Variants in SLC25A25 observed in about 807,000 individuals in gnomAD.
The protein encoded by SLC25A25 is solute carrier family 25 member 25.
In SLC25A25, 32 loss-of-function variants were observed where a neutral mutation model predicts 57.7. That is an observed-to-expected ratio of 0.55 (90% CI 0.42 to 0.74). SLC25A25 has a LOEUF of 0.74. SLC25A25 is among the 30% of genes least tolerant of loss of function. The pLI, the probability that SLC25A25 is intolerant of heterozygous loss-of-function variation, is 0.00. For missense variants in SLC25A25, 556 were observed against 701.3 expected (o/e 0.79, Z 2.34); for synonymous variants, 306 against 291.2 (o/e 1.05, Z -0.52).
intron 1 of SLC25A25, among the ~76,000 whole-genome samples, chr9:128,078,283 T>G (rs1194646362): frequency 2.0e-5 from 3 of 152,070 alleles, no homozygotes; most frequent in African/African-American, 4.8e-5. Flanking sequence ...GAAAATAAGG[T>G]GCCCAGAATT....
chr9:128,104,023 G>T (rs562096109), intron 6 of SLC25A25, among the ~76,000 whole-genome samples, 184 bp downstream of exon 6: 45 of 152,302 alleles, frequency 3.0e-4, no homozygotes, highest in African/African-American at 9.9e-4. Flanking sequence ...GTGACATTTT[G>T]TGCAGAGCGG....
Position 128,101,037 on chromosome 9 carries a change from A to G in SLC25A25, c.262-59A>G, listed in dbSNP as rs1833770394. ...CATTGCCTGGGGATGGGGCCCCACAAGGGACAAGGAAAGGCTGGTCCAGGA... is the reference window on the plus strand; with the variant it reads ...CATTGCCTGGGGATGGGGCCCCACAGGGGACAAGGAAAGGCTGGTCCAGGA... On this transcript the variant is annotated intron_variant, in intron 1 of 10. Transcript: ENST00000373069. This position sits in a 1 kb window ranked among gnomAD's most constrained non-coding sequence, Gnocchi z 4.9. 6.2e-7 allele frequency: 1 copy of G among 1,607,536 alleles called. No homozygotes were observed. The highest frequency in any genetic ancestry group is 8.5e-7 in the Non-Finnish European group (1 of 1,176,988).
rs1834134393 is a variant in SLC25A25, at chr9:128,108,323, GA to G, written c.*883del. 1.3e-5 allele frequency: 5 copies of G among 398,736 alleles called. No individual in the cohort carries two copies. In the South Asian group the frequency reaches 6.7e-4, roughly 53 times the overall value. The allele number at this position is 398,736 out of a possible 1,614,324, so 24.7% of individuals were successfully genotyped here. ...GGAGGCCTTAATTATGGACTGTTGG[GA>G]AAAGGGTTTTGTCCAGAAGGACAAG... On this transcript the variant is annotated 3_prime_UTR_variant, in exon 11 of 11. Coordinates refer to ENST00000373069, the MANE Select transcript of SLC25A25 (RefSeq NM_001330988.2).
chr9:128,104,831 AATTATTATTATTATTATTATT>A (rs57220788), intron 6 of SLC25A25, among the ~76,000 whole-genome samples: 3 of 144,578 alleles, frequency 2.1e-5, no homozygotes, highest in Non-Finnish European at 4.5e-5. Context: ...GATTTTTAAA[AATTATTATTATTATTATTATT>A]ATTATTATTA....
chr9:128,098,418 T>G, intron 1 of SLC25A25: 1 of 1,380,034 alleles, frequency 7.2e-7, no homozygotes, highest in South Asian at 1.8e-5. Flanking sequence ...AGGGCTTTTT[T>G]CTTTTTTCAA....
chr9:128,091,548 T>C (rs1282074084), intron 1 of SLC25A25: 13 of 207,126 alleles, frequency 6.3e-5, no homozygotes, highest in Non-Finnish European at 9.5e-5. Context: ...TTCCTTTTCT[T>C]TTTTTTTTTT....
intron 1 of SLC25A25, chr9:128,098,581 C>T: frequency 6.2e-7 from 1 of 1,613,956 alleles, no homozygotes; most frequent in Non-Finnish European, 8.5e-7. Context: ...TCTGTCTGTG[C>T]CTGTATGTGC....
chr9:128,069,157 C>T (rs765167780), intron 1 of SLC25A25, among the ~76,000 whole-genome samples: 1 of 152,198 alleles, frequency 6.6e-6, no homozygotes, highest in African/African-American at 2.4e-5. Flanking sequence ...TCGTGATCCC[C>T]GCGGGGTTGG....
chr9:128,092,124 G>A, intron 1 of SLC25A25: 13 of 1,596,378 alleles, frequency 8.1e-6, no homozygotes, highest in Non-Finnish European at 1.0e-5. Flanking sequence ...CCTAGTTTAG[G>A]GCCTGGTCTG....
chr9:128,075,335 G>C (rs1288530542), intron 1 of SLC25A25, among the ~76,000 whole-genome samples: 3 of 151,792 alleles, frequency 2.0e-5, no homozygotes, highest in Non-Finnish European at 2.9e-5. Flanking sequence ...GAATGAGAGA[G>C]CACGAGCCTG....
rs748606906 is a variant in SLC25A25, at chr9:128,102,057, C to T, written c.477-23C>T. ...TGCGTGTTGTTTCTGCTCTCTCCTC[C>T]GCATCCTTTGTCTGTCTGTCAGAAT... On this transcript the variant is annotated intron_variant, in intron 3 of 10. Coordinates refer to ENST00000373069, the MANE Select transcript of SLC25A25 (RefSeq NM_001330988.2). This position sits in a 1 kb window ranked among gnomAD's most constrained non-coding sequence, Gnocchi z 4.1. 83 of 1,550,452 alleles carry T rather than the reference C, an allele frequency of 5.4e-5. No homozygotes were observed. Among genetic ancestry groups the T allele is most frequent in the South Asian group, 1.3e-4 (11 of 84,064 alleles).
intron 1 of SLC25A25, among the ~76,000 whole-genome samples, chr9:128,070,722 C>T (rs372275551): frequency 2.9e-4 from 44 of 151,102 alleles, no homozygotes; most frequent in African/African-American, 9.7e-4. Context: ...GAGGCCAAGC[C>T]GGGTGGATCA....
At position 128,107,715 on chromosome 9, in the gene SLC25A25, A is replaced by G. The variant is rs372694601; in HGVS notation, c.*271A>G. On this transcript the variant is annotated 3_prime_UTR_variant, in exon 11 of 11. Transcript: ENST00000373069. Reference sequence around the variant, plus strand: ...GCTCCGGGCTCACATGTGTAAGGACAGGACATTTTCTGCAGTGCCTGCCAA... The same window carrying G: ...GCTCCGGGCTCACATGTGTAAGGACGGGACATTTTCTGCAGTGCCTGCCAA... The G allele has an allele frequency of 1.0e-4, 43 of 416,666 alleles. 1 individual carries two copies. The highest frequency in any genetic ancestry group is 7.3e-4 in the African/African-American group (36 of 49,278). 25.8% of individuals were successfully genotyped at this position (416,666 alleles called of 1,614,324 possible).
intron 9 of SLC25A25, 117 bp from the exon 10 acceptor site, chr9:128,106,912 C>T: frequency 1.5e-6 from 2 of 1,305,158 alleles, no homozygotes; most frequent in Non-Finnish European, 2.1e-6. Context: ...AGGAGCCCAG[C>T]CAGGCCCCAG....
chr9:128,099,083 T>C lies in SLC25A25; in HGVS notation c.262-2013T>C. On this transcript the variant is annotated intron_variant, in intron 1 of 10. Coordinates refer to ENST00000373069, the MANE Select transcript of SLC25A25 (RefSeq NM_001330988.2). This position sits in a 1 kb window ranked among gnomAD's most constrained non-coding sequence, Gnocchi z 6.8. ...AGGAGAAGGCAGGGAGGCCCAGGAG[T>C]TGAGGGTGCTGCGTGGTGGAGCTGC... 6.1e-6 allele frequency: 6 copies of C among 984,474 alleles called. No homozygotes were observed. The highest frequency in any genetic ancestry group is 7.2e-6 in the Non-Finnish European group (6 of 829,658). The allele number at this position is 984,474 out of a possible 1,614,324, so 61.0% of individuals were successfully genotyped here.
At chr9:128,073,455 C>T (rs1832947374) in intron 1 of SLC25A25, among the ~76,000 whole-genome samples, 1 of 152,120 alleles carries the variant, frequency 6.6e-6, no homozygotes, top group African/African-American at 2.4e-5. Context: ...TCAGTAATGT[C>T]AAGTTGGTAT....
At chr9:128,107,224 G>C (rs1348627403) in intron 10 of SLC25A25, 36 bp from the exon 11 acceptor site, 1 of 1,611,932 alleles carries the variant, frequency 6.2e-7, no homozygotes. Context: ...GGGGGGAGCG[G>C]ACAGAAGCAT....
rs1833528227 is a variant in SLC25A25, at chr9:128,095,423, C to A, written c.262-5673C>A. On this transcript the variant is annotated intron_variant, in intron 1 of 10. Transcript: ENST00000373069. This position sits in a 1 kb window ranked among gnomAD's most constrained non-coding sequence, Gnocchi z 4.4. ...ATTAAGGGATGATCCCAGAGCCCCT[C>A]TGGGCCCCCACAGTCTGCAGTTCCA... 6.6e-6 allele frequency among the ~76,000 whole-genome samples: 1 copy of A among 152,188 alleles called. No homozygotes were observed. Among genetic ancestry groups the A allele is most frequent in the Admixed American group, 6.5e-5 (1 of 15,284 alleles).
At chr9:128,070,969 A>AAAAAAAG (rs1564175718) in intron 1 of SLC25A25, among the ~76,000 whole-genome samples, 1 of 131,178 alleles carries the variant, frequency 7.6e-6, no homozygotes. Flanking sequence ...AAAAAAAAAA[A>AAAAAAAG]AAAAGAAAGA....
Sources: allele counts gnomAD v4.1 joint callset (sites outside exome capture counted in the v4.1 genomes callset), GRCh38; gene constraint gnomAD v4.1.1; non-coding constraint Gnocchi (gnomAD v3.1); transcripts MANE v1.5; gene names NCBI Gene and HGNC (gene_info 2026-07-23, HGNC 2026-07-21).